PCSK2: variants seen among roughly 807,000 people sequenced by gnomAD.
The protein encoded by PCSK2 is proprotein convertase subtilisin/kexin type 2.
PCSK2 carries 14 observed loss-of-function variants against 69.7 expected under a neutral mutation model. The ratio of observed to expected loss-of-function variants is 0.20; its 90% CI spans 0.13 to 0.31. The LOEUF (loss-of-function observed/expected upper bound fraction) is 0.31. PCSK2 is among the 10% of genes least tolerant of loss of function. The pLI is 1.00. For synonymous variants in PCSK2, 307 were observed against 320.7 expected, an observed-to-expected ratio of 0.96 and a Z score of 0.46; for missense variants, 544 against 842.5, an observed-to-expected ratio of 0.65 and a Z score of 4.39.
chr20:17,286,940 C>T (rs1409520640), intron 2 of PCSK2, among the ~76,000 whole-genome samples: 8 of 152,200 alleles, frequency 5.3e-5, no homozygotes, highest in Non-Finnish European at 1.0e-4. Flanking sequence ...ATTGTGAAGG[C>T]TGGCAAGTCC....
intron 2 of PCSK2, among the ~76,000 whole-genome samples, chr20:17,299,630 C>T (rs1989010733): frequency 6.6e-6 from 1 of 151,748 alleles, no homozygotes. Flanking sequence ...GCCCATCTTC[C>T]ATTTCTCTTT....
At chr20:17,418,942 G>A (rs1452276219) in intron 6 of PCSK2, among the ~76,000 whole-genome samples, 1 of 152,188 alleles carries the variant, frequency 6.6e-6, no homozygotes, top group Admixed American at 6.5e-5. Flanking sequence ...TACAATGCAG[G>A]AGCAATTGCT....
At chr20:17,293,905 A>G (rs1310948049) in intron 2 of PCSK2, among the ~76,000 whole-genome samples, 1 of 151,942 alleles carries the variant, frequency 6.6e-6, no homozygotes, top group Non-Finnish European at 1.5e-5. Flanking sequence ...GGTCAATGTA[A>G]CTCATTTTTA....
chr20:17,368,541 A>G (rs2030667215), intron 4 of PCSK2, among the ~76,000 whole-genome samples: 1 of 152,160 alleles, frequency 6.6e-6, no homozygotes, highest in Non-Finnish European at 1.5e-5. Flanking sequence ...CCCAAATGAG[A>G]GCTTTTCAAT....
intron 2 of PCSK2, chr20:17,263,248 GA>G (rs1243950028): frequency 5.3e-5 from 22 of 416,940 alleles, no homozygotes; most frequent in Non-Finnish European, 6.4e-5. Flanking sequence ...AAGGAAAACA[GA>G]AAAAAAAGGA....
At chr20:17,414,305 A>C (rs1007884203) in intron 6 of PCSK2, among the ~76,000 whole-genome samples, 2 of 152,234 alleles carry the variant, frequency 1.3e-5, no homozygotes, top group African/African-American at 4.8e-5. Flanking sequence ...AATAAAGATG[A>C]AAAGAGAGAA....
chr20:17,294,098 C>CTTTTT (rs34805695), intron 2 of PCSK2, among the ~76,000 whole-genome samples: 120 of 73,960 alleles, frequency 1.6e-3, no homozygotes, highest in Middle Eastern at 0.017. Context: ...AAAGTATTTT[C>CTTTTT]TTTTTTTTTT....
intron 5 of PCSK2, among the ~76,000 whole-genome samples, chr20:17,390,673 T>A (rs2031348978): frequency 6.6e-6 from 1 of 152,218 alleles, no homozygotes; most frequent in Non-Finnish European, 1.5e-5. Flanking sequence ...ACTAATTTCT[T>A]AGAAATGCAT....
intron 5 of PCSK2, among the ~76,000 whole-genome samples, chr20:17,393,379 T>G (rs1467778608): frequency 6.6e-6 from 1 of 152,196 alleles, no homozygotes; most frequent in Admixed American, 6.5e-5. Flanking sequence ...TTTTTCCATT[T>G]GATTTTTTGG....
intron 2 of PCSK2, among the ~76,000 whole-genome samples, chr20:17,348,249 A>G (rs373660532): frequency 1.3e-5 from 2 of 152,236 alleles, no homozygotes; most frequent in African/African-American, 4.8e-5. Flanking sequence ...CTCACATTTG[A>G]TTTGCTTTGT....
chr20:17,233,504 C>T (rs1986221088), intron 1 of PCSK2, among the ~76,000 whole-genome samples: 1 of 152,116 alleles, frequency 6.6e-6, no homozygotes, highest in South Asian at 2.1e-4. Flanking sequence ...ATGAGATGAC[C>T]TGGCCCAAAT....
At chr20:17,472,188 C>T (rs1478054551) in intron 11 of PCSK2, among the ~76,000 whole-genome samples, 1 of 152,232 alleles carries the variant, frequency 6.6e-6, no homozygotes, top group Non-Finnish European at 1.5e-5. Context: ...CCCCTCTGGG[C>T]ACCCTGAGGG....
intron 8 of PCSK2, among the ~76,000 whole-genome samples, chr20:17,451,915 C>CTTTTTTTTTTTTTTTTTTT: frequency 9.8e-6 from 1 of 101,610 alleles, no homozygotes; most frequent in Non-Finnish European, 1.9e-5. Context: ...TTGTACTTTG[C>CTTTTTTTTTTTTTTTTTTT]TTTTTTTTTT....
At chr20:17,328,923 G>T (rs993562997) in intron 2 of PCSK2, among the ~76,000 whole-genome samples, 1 of 152,198 alleles carries the variant, frequency 6.6e-6, no homozygotes, top group Non-Finnish European at 1.5e-5. Context: ...ACAGCAAACA[G>T]CAGAGCTAAG....
chr20:17,247,169 C>T (rs1367613147), intron 1 of PCSK2, among the ~76,000 whole-genome samples: 1 of 152,172 alleles, frequency 6.6e-6, no homozygotes, highest in Admixed American at 6.5e-5. Flanking sequence ...TCTCATCCTC[C>T]AGCAGCCTAC....
At chr20:17,290,806 T>C (rs75950116) in intron 2 of PCSK2, among the ~76,000 whole-genome samples, 5,038 of 152,232 alleles carry the variant, frequency 0.033, 122 homozygotes, top group Non-Finnish European at 0.049. Context: ...GGCTTGGAAG[T>C]CCGAGAGCAT....
intron 2 of PCSK2, among the ~76,000 whole-genome samples, chr20:17,306,347 C>T (rs1989327760): frequency 2.6e-5 from 4 of 151,960 alleles, no homozygotes; most frequent in Admixed American, 2.6e-4. Flanking sequence ...TAAAAATAAG[C>T]CCTTCGGTGA....
rs1332466914 is a variant in PCSK2, at chr20:17,483,803, A to G, written c.*1733A>G. 6.6e-6 allele frequency: 1 copy of G among 152,668 alleles called. No homozygotes were observed. The highest frequency in any genetic ancestry group is 1.9e-4 in the East Asian group (1 of 5,206). 9.5% of individuals were successfully genotyped at this position (152,668 alleles called of 1,614,324 possible). On this transcript the variant is annotated 3_prime_UTR_variant, in exon 12 of 12. Transcript: ENST00000262545. ...TTTTAAACCAGTTTAGATTTCAAGA[A>G]AAAATAAATGGAAATCATCGAAAAT...
intron 1 of PCSK2, among the ~76,000 whole-genome samples, chr20:17,242,346 G>A (rs1986611762): frequency 6.6e-6 from 1 of 152,188 alleles, no homozygotes; most frequent in Non-Finnish European, 1.5e-5. Flanking sequence ...GCTAATTACA[G>A]AAGAACATTC....
Sources: gnomAD v4.1 joint callset for allele counts (sites outside exome capture counted in the v4.1 genomes callset) on GRCh38, gnomAD v4.1.1 for gene constraint, MANE v1.5 for transcripts, NCBI Gene and HGNC (gene_info 2026-07-23, HGNC 2026-07-21) for gene names.